The following NOS1 variants were observed in gnomAD, a reference collection of about 807,000 sequenced individuals.
NOS1 encodes NOS type I.
A neutral mutation model predicts 164.5 loss-of-function variants in NOS1; 51 were observed. The observed-to-expected ratio is 0.31, with a 90% CI of 0.25 to 0.39. The LOEUF (loss-of-function observed/expected upper bound fraction) is 0.39. Among genes scored for constraint, NOS1 ranks in the 10% least tolerant of loss-of-function variants. NOS1 has a pLI of 1.00. For missense variants in NOS1, 1,362 were observed against 1,885.6 expected, an observed-to-expected ratio of 0.72 and a Z score of 5.14; for synonymous variants, 719 against 745.8, an observed-to-expected ratio of 0.96 and a Z score of 0.59.
intron 1 of NOS1, among the ~76,000 whole-genome samples, chr12:117,359,859 G>T (rs1422627892): frequency 8.7e-6 from 1 of 114,834 alleles, no homozygotes; most frequent in Non-Finnish European, 1.7e-5. Context: ...CGGTCCCAGA[G>T]CATTACAATA....
chr12:117,353,497 C>T (rs1324602006), intron 1 of NOS1, among the ~76,000 whole-genome samples: 2 of 152,210 alleles, frequency 1.3e-5, no homozygotes, highest in African/African-American at 4.8e-5. Context: ...AGAAAATTAA[C>T]TATATACTGT....
intron 25 of NOS1, among the ~76,000 whole-genome samples, chr12:117,224,628 T>C (rs138155520): frequency 6.8e-4 from 103 of 152,272 alleles, no homozygotes; most frequent in African/African-American, 2.4e-3. Flanking sequence ...GGTTTCTTTC[T>C]CTCTCTCTCC....
intron 3 of NOS1, 29 bp downstream of exon 3, chr12:117,311,437 G>A (rs1297576076): frequency 6.3e-7 from 1 of 1,579,710 alleles, no homozygotes; most frequent in Non-Finnish European, 8.6e-7. Flanking sequence ...GTGGGAAGCA[G>A]TGGTACCAGC....
Position 117,222,742 on chromosome 12 carries a change from A to G in NOS1, c.3948T>C (p.Ala1316=). Residue 1316 remains alanine (A), a synonymous_variant, in exon 26 of 29, where the codon GCT becomes GCC. Transcript: ENST00000317775. ...NKGVFRELYT[A]YSREPDKPKK... The stretch of plus-strand genomic sequence containing the variant: ...TTGGTTTGTCTGGCTCCCGGGAGTA[A>G]GCCGTGTACAGCTCTCTGAAGACCC... 6.2e-7 allele frequency: 1 copy of G among 1,613,626 alleles called. No homozygotes were observed.
intron 11 of NOS1, 94 bp downstream of exon 11, chr12:117,267,949 G>T: frequency 1.2e-6 from 1 of 857,610 alleles, no homozygotes; most frequent in South Asian, 1.5e-5. Context: ...GGTGGTTTCT[G>T]GCAGTGAGGT....
intron 3 of NOS1, among the ~76,000 whole-genome samples, chr12:117,296,655 T>C (rs112594133): frequency 6.6e-6 from 1 of 151,818 alleles, no homozygotes; most frequent in Non-Finnish European, 1.5e-5. Flanking sequence ...CTTAATAAAC[T>C]CTTTATATAT....
chr12:117,337,668 T>G (rs927860868), intron 1 of NOS1, among the ~76,000 whole-genome samples: 3 of 152,074 alleles, frequency 2.0e-5, no homozygotes, highest in African/African-American at 7.2e-5. Flanking sequence ...GAAACTGACC[T>G]CTGGGAATAG....
At position 117,215,308 on chromosome 12, in the gene NOS1, G is replaced by A; in HGVS notation, c.*1C>T. ...GCAGCCGGCTGGGCAAGAGGGTCCA[G>A]TTAGGAGCTGAAAACCCTGTGGAAA... On this transcript the variant is annotated 3_prime_UTR_variant, in exon 29 of 29. Transcript: ENST00000317775. The A allele has an allele frequency of 6.4e-7, 1 of 1,556,654 alleles. No individual in the cohort carries two copies. The highest frequency in any genetic ancestry group is 8.7e-7 in the Non-Finnish European group (1 of 1,149,784).
chr12:117,342,255 C>G (rs1876148313), intron 1 of NOS1, among the ~76,000 whole-genome samples: 1 of 152,132 alleles, frequency 6.6e-6, no homozygotes, highest in Admixed American at 6.6e-5. Context: ...ATTGGGATTA[C>G]AGGGGTGGAT....
intron 2 of NOS1, among the ~76,000 whole-genome samples, chr12:117,327,619 T>A (rs1875318485): frequency 6.6e-6 from 1 of 152,136 alleles, no homozygotes. Flanking sequence ...GGCTACCCAC[T>A]CTGGAAATGG....
At chr12:117,328,373 T>C (rs976209731) in intron 2 of NOS1, among the ~76,000 whole-genome samples, 3 of 152,164 alleles carry the variant, frequency 2.0e-5, no homozygotes, top group South Asian at 4.1e-4. Flanking sequence ...TTTCACCATG[T>C]TGGCAGGTTG....
chr12:117,272,363 G>A lies in NOS1; in HGVS notation c.1839+22C>T. ...CCTCTGCTATGTGCTTTTCCCCTGTGGTGACCAGAGAGGGCCCTTACCTCC... is the reference window on the plus strand; with the variant it reads ...CCTCTGCTATGTGCTTTTCCCCTGTAGTGACCAGAGAGGGCCCTTACCTCC... On this transcript the variant is annotated intron_variant, in intron 10 of 28. Transcript: ENST00000317775. The surrounding 1 kb of genome is among the most constrained non-coding windows in gnomAD (Gnocchi z 4.3). The A allele has an allele frequency of 6.2e-7, 1 of 1,613,804 alleles. No individual in the cohort carries two copies. The highest frequency in any genetic ancestry group is 1.1e-5 in the South Asian group (1 of 91,050).
chr12:117,340,375 GTC>G (rs1250316165), intron 1 of NOS1, among the ~76,000 whole-genome samples: 1 of 152,152 alleles, frequency 6.6e-6, no homozygotes, highest in African/African-American at 2.4e-5. Flanking sequence ...AAGTCAGACT[GTC>G]TGATTCTCTA....
At position 117,210,612 on chromosome 12, in the gene NOS1, T is replaced by A. The variant is rs1397498103; in HGVS notation, c.*4697A>T. ...CTGTCGGAGTGAAGGGGCTCAGGCA[T>A]CTGGATTGCCCATCCTATTAGGACC... On this transcript the variant is annotated 3_prime_UTR_variant, in exon 29 of 29. Coordinates refer to ENST00000317775, the MANE Select transcript of NOS1 (RefSeq NM_000620.5). The A allele has an allele frequency of 1.0e-6, 1 of 985,408 alleles. No individual in the cohort carries two copies. Among genetic ancestry groups the A allele is most frequent in the African/African-American group, 1.7e-5 (1 of 57,250 alleles). 61.0% of individuals were successfully genotyped at this position (985,408 alleles called of 1,614,324 possible). A position where few individuals can be genotyped will look rare whatever the true frequency, so the allele number is the denominator to read the frequency against.
At chr12:117,237,280 C>T (rs1018860456) in intron 20 of NOS1, among the ~76,000 whole-genome samples, 3 of 151,914 alleles carry the variant, frequency 2.0e-5, no homozygotes, top group East Asian at 1.9e-4. Context: ...TACAGTAGCC[C>T]GCCACCATGC....
chr12:117,337,192 C>G (rs921047123), intron 1 of NOS1, among the ~76,000 whole-genome samples: 1 of 148,318 alleles, frequency 6.7e-6, no homozygotes, highest in African/African-American at 2.5e-5. Context: ...CTCGGCTCAC[C>G]GCAAGCTCTG....
intron 2 of NOS1, among the ~76,000 whole-genome samples, chr12:117,324,933 C>T (rs369979817): frequency 3.3e-4 from 51 of 152,296 alleles, no homozygotes; most frequent in African/African-American, 1.2e-3. Flanking sequence ...AGGGACGTCC[C>T]ATGGGGGAAT....
At chr12:117,303,282 C>G (rs1213289231) in intron 3 of NOS1, among the ~76,000 whole-genome samples, 1 of 152,142 alleles carries the variant, frequency 6.6e-6, no homozygotes, top group Non-Finnish European at 1.5e-5. Flanking sequence ...AAAGAAACGG[C>G]CCGCAAGCCT....
intron 1 of NOS1, among the ~76,000 whole-genome samples, chr12:117,353,630 T>C (rs1224353771): frequency 3.3e-5 from 5 of 152,170 alleles, no homozygotes; most frequent in Admixed American, 2.6e-4. Context: ...CAGAAATAGG[T>C]GTCAAGGGTT....
Sources: gnomAD v4.1 joint callset for allele counts (sites outside exome capture counted in the v4.1 genomes callset) on GRCh38, gnomAD v4.1.1 for gene constraint, Gnocchi (gnomAD v3.1) non-coding constraint, MANE v1.5 for transcripts, NCBI Gene and HGNC (gene_info 2026-07-23, HGNC 2026-07-21) for gene names.